CNTNAP2: variants seen among roughly 807,000 people sequenced by gnomAD.
The protein encoded by CNTNAP2 is contactin associated protein 2.
CNTNAP2 carries 98 observed loss-of-function variants against 155.2 expected under a neutral mutation model. The ratio of observed to expected loss-of-function variants is 0.63; its 90% confidence interval spans 0.54 to 0.75. CNTNAP2 has a LOEUF of 0.75. CNTNAP2 is among the 30% of genes least tolerant of loss of function. CNTNAP2 has a pLI of 0.00. For synonymous variants in CNTNAP2, 651 were observed against 631.2 expected (o/e 1.03, Z -0.47); for missense variants, 1,727 against 1,688.1 (o/e 1.02, Z -0.40).
At chr7:146,520,579 T>C (rs937291996) in intron 1 of CNTNAP2, among the ~76,000 whole-genome samples, 2 of 151,734 alleles carry the variant, frequency 1.3e-5, no homozygotes, top group African/African-American at 4.8e-5. Context: ...ATGCAACTGC[T>C]TCTTCCTAGG....
At chr7:146,671,386 CTCTT>C (rs974787549) in intron 1 of CNTNAP2, among the ~76,000 whole-genome samples, 2 of 151,922 alleles carry the variant, frequency 1.3e-5, no homozygotes, top group African/African-American at 4.8e-5. Flanking sequence ...CCACCTCTGT[CTCTT>C]TCTTTTTCTG....
chr7:147,188,756 G>A (rs568698234), intron 8 of CNTNAP2, among the ~76,000 whole-genome samples: 4 of 152,324 alleles, frequency 2.6e-5, no homozygotes, highest in South Asian at 4.1e-4. Context: ...GAAATATGCA[G>A]TAGGGTTTGC....
chr7:147,286,098 C>T (rs953700796), intron 8 of CNTNAP2, among the ~76,000 whole-genome samples: 4 of 151,980 alleles, frequency 2.6e-5, no homozygotes, highest in African/African-American at 9.7e-5. Context: ...ATATTGTCTA[C>T]AATGTGTCAA....
chr7:147,234,035 A>T (rs1261673746), intron 8 of CNTNAP2, among the ~76,000 whole-genome samples: 7 of 103,540 alleles, frequency 6.8e-5, no homozygotes, highest in African/African-American at 2.8e-4. Context: ...AGCTATCCAC[A>T]GTAAAAAAAA....
chr7:147,989,955 A>C (rs369822602), intron 15 of CNTNAP2, among the ~76,000 whole-genome samples: 13 of 152,290 alleles, frequency 8.5e-5, no homozygotes, highest in East Asian at 1.9e-4. Flanking sequence ...AGCCTTCACA[A>C]GTTAAAAGCA....
rs151037543 is a variant in CNTNAP2 at position 147,830,140 on chromosome 7, T to A, written c.2099-73425T>A. On this transcript the variant is annotated intron_variant, in intron 13 of 23. Coordinates refer to ENST00000361727, the MANE Select transcript of CNTNAP2 (RefSeq NM_014141.6). ...TGTGAGTGGCTTGGAGTACGTACTG[T>A]CTCAGTCCATTCGGGTTGCTATTAA... is the stretch of plus-strand genomic sequence containing the variant. Among the ~76,000 whole-genome samples, 28 of 149,066 alleles carry A rather than the reference T, an allele frequency of 1.9e-4. No individual in the cohort carries two copies. In the East Asian group the frequency reaches 4.4e-3, roughly 23 times the overall value.
chr7:146,363,283 T>C (rs576427029), intron 1 of CNTNAP2, among the ~76,000 whole-genome samples: 2 of 152,348 alleles, frequency 1.3e-5, no homozygotes, highest in South Asian at 4.1e-4. Context: ...GGCAGTCACT[T>C]ACCTGTGTGG....
intron 8 of CNTNAP2, among the ~76,000 whole-genome samples, chr7:147,154,278 C>T (rs537040571): frequency 4.5e-4 from 68 of 152,192 alleles, no homozygotes; most frequent in Admixed American, 2.6e-3. Context: ...ACAACCATCT[C>T]ATGTGAGACG....
chr7:146,793,242 A>G (rs1802706100), intron 2 of CNTNAP2, among the ~76,000 whole-genome samples: 1 of 152,250 alleles, frequency 6.6e-6, no homozygotes, highest in African/African-American at 2.4e-5. Flanking sequence ...CACATAGCCA[A>G]ATTGCTCCCA....
chr7:146,547,498 C>G (rs13240943), intron 1 of CNTNAP2, among the ~76,000 whole-genome samples: 70 of 151,912 alleles, frequency 4.6e-4, no homozygotes, highest in Non-Finnish European at 7.1e-4. Context: ...TACCATCCCT[C>G]TTCCCTCAGC....
At chr7:147,308,672 T>A (rs1475176160) in intron 9 of CNTNAP2, among the ~76,000 whole-genome samples, 2 of 152,142 alleles carry the variant, frequency 1.3e-5, no homozygotes, top group African/African-American at 4.8e-5. Flanking sequence ...GACCTATACA[T>A]CCTAAAACTA....
chr7:147,476,003 G>T (rs1798312999), intron 10 of CNTNAP2, among the ~76,000 whole-genome samples: 1 of 151,914 alleles, frequency 6.6e-6, no homozygotes, highest in Admixed American at 6.6e-5. Flanking sequence ...TTTACTGTGG[G>T]TCTAGTAAAT....
chr7:148,037,377 A>T (rs923479371), intron 15 of CNTNAP2, among the ~76,000 whole-genome samples: 4 of 152,236 alleles, frequency 2.6e-5, no homozygotes, highest in African/African-American at 9.6e-5. Flanking sequence ...TATGTGTATC[A>T]GACTGTCTCT....
intron 1 of CNTNAP2, among the ~76,000 whole-genome samples, chr7:146,397,283 A>G (rs559584745): frequency 6.6e-6 from 1 of 152,346 alleles, no homozygotes; most frequent in Non-Finnish European, 1.5e-5. Flanking sequence ...GCAGATTTAC[A>G]TAAATACATT....
chr7:146,541,043 T>C (rs1350804818), intron 1 of CNTNAP2, among the ~76,000 whole-genome samples: 1 of 152,012 alleles, frequency 6.6e-6, no homozygotes, highest in African/African-American at 2.4e-5. Context: ...CTAAAATATC[T>C]CCACTATTAA....
intron 1 of CNTNAP2, among the ~76,000 whole-genome samples, chr7:146,418,465 G>A (rs1795967389): frequency 6.6e-6 from 1 of 151,954 alleles, no homozygotes; most frequent in Admixed American, 6.6e-5. Context: ...TTCCCCAGAG[G>A]GAATTACTAT....
chr7:146,862,927 A>G (rs923931330), intron 3 of CNTNAP2, among the ~76,000 whole-genome samples: 7 of 152,206 alleles, frequency 4.6e-5, no homozygotes, highest in Admixed American at 3.9e-4. Context: ...CCAGTGTTAT[A>G]GTCACTTTTG....
intron 11 of CNTNAP2, among the ~76,000 whole-genome samples, chr7:147,534,875 TA>T (rs377651686): frequency 9.2e-5 from 14 of 152,178 alleles, no homozygotes; most frequent in East Asian, 3.9e-4. Flanking sequence ...ACTTCAGATA[TA>T]TACACTATGG....
chr7:148,308,114 A>C (rs758215726), intron 21 of CNTNAP2, among the ~76,000 whole-genome samples: 71 of 152,328 alleles, frequency 4.7e-4, no homozygotes, highest in Admixed American at 8.5e-4. Context: ...TCAAATAGTG[A>C]GGTCCCTTAG....
Sources: allele counts gnomAD v4.1 joint callset (sites outside exome capture counted in the v4.1 genomes callset), GRCh38; gene constraint gnomAD v4.1.1; transcripts MANE v1.5; gene names NCBI Gene and HGNC (gene_info 2026-07-23, HGNC 2026-07-21).